PCDHB4: variants seen among roughly 807,000 people sequenced by gnomAD.
The protein encoded by PCDHB4 is protocadherin beta-4.
For missense variants in PCDHB4, 1,063 were observed against 1,007.0 expected (o/e 1.06, Z -0.75); for synonymous variants, 482 against 447.3 (o/e 1.08, Z -0.98).
chr5:141,124,478 T>G lies in PCDHB4; in HGVS notation c.*92T>G. 9.1e-7 allele frequency: 1 copy of G among 1,100,992 alleles called. No homozygotes were observed. The highest frequency in any genetic ancestry group is 1.3e-6 in the Non-Finnish European group (1 of 779,994). 68.2% of individuals were successfully genotyped at this position (1,100,992 alleles called of 1,614,324 possible). ...TAAAAAAATTGTCTACTTATCTAAATATTCATACCACAATTTCAAACCTAC... is the reference window on the plus strand; with the variant it reads ...TAAAAAAATTGTCTACTTATCTAAAGATTCATACCACAATTTCAAACCTAC... On this transcript the variant is annotated 3_prime_UTR_variant, in exon 1 of 1. Transcript: ENST00000194152.
chr5:141,122,970 A>T lies in PCDHB4; in HGVS notation c.972A>T (p.Gly324=). 1 of 1,613,108 alleles carries T rather than the reference A, an allele frequency of 6.2e-7. No individual in the cohort carries two copies. Among genetic ancestry groups the T allele is most frequent in the Non-Finnish European group, 8.5e-7 (1 of 1,179,616 alleles). ...TAGAAATTGAGGCCACAGATGGAGG[A>T]GGCCTTTCTGGAAAAGGCACTGTAG... ...YHVEIEATDG[G]GLSGKGTVVI... is the part of the protein sequence containing the mutation. Residue 324 remains glycine (G), a synonymous_variant, in exon 1 of 1, where the codon GGA becomes GGT. Transcript: ENST00000194152.
Position 141,122,137 on chromosome 5 carries a change from C to G in PCDHB4, c.139C>G (p.Leu47Val). The change falls in exon 1 of 1, where the codon CTG becomes GTG. Residue 47 changes from leucine to valine, a missense_variant. Physicochemically the swap from Leu to Val is conservative, Grantham distance 32. Coordinates refer to ENST00000194152, the MANE Select transcript of PCDHB4 (RefSeq NM_018938.4). ...AGAGAGCGGCTCCTTTGTAGCCCAT[C>G]TGGCCAAGGATCTGGGCCTGGGAAT... ...ETESGSFVAHLAKDLGLGIGE... is the reference protein window; with the variant it reads ...ETESGSFVAHVAKDLGLGIGE... 4.3e-6 allele frequency: 7 copies of G among 1,614,194 alleles called. No individual in the cohort carries two copies. Among genetic ancestry groups the G allele is most frequent in the African/African-American group, 1.3e-5 (1 of 75,054 alleles).
Position 141,123,687 on chromosome 5 carries a change from G to A in PCDHB4, c.1689G>A (p.Pro563=), listed in dbSNP as rs1752350418. The change falls in exon 1 of 1, where the codon CCG becomes CCA. Residue 563 remains proline, a synonymous_variant. Transcript: ENST00000194152. ...TNDNSPFVLY[P]LQNGSAPCTE... ...ACAACTCGCCCTTCGTGCTGTACCC[G>A]CTGCAGAATGGCTCCGCGCCCTGCA... 3.7e-6 allele frequency: 6 copies of A among 1,611,098 alleles called. No homozygotes were observed. Among genetic ancestry groups the A allele is most frequent in the Non-Finnish European group, 5.1e-6 (6 of 1,179,578 alleles).
chr5:141,123,286 C>A lies in PCDHB4; in HGVS notation c.1288C>A (p.Leu430Met), dbSNP rs1752333089. The A allele has an allele frequency of 6.2e-7, 1 of 1,614,088 alleles. No homozygotes were observed. The highest frequency in any genetic ancestry group is 8.5e-7 in the Non-Finnish European group (1 of 1,180,056). ...CGTCACTGACTTGGGGACACCCAGG[C>A]TGAAAACCCAGCAGAACATAACCGT... ...IAVTDLGTPR[L>M]KTQQNITVQV... The change falls in exon 1 of 1, where the codon CTG (leucine) becomes ATG (methionine). Residue 430 changes from leucine (L) to methionine (M), a missense_variant. Transcript: ENST00000194152.
In PCDHB4 at chr5:141,123,137, T is replaced by A. The variant is rs1554274484; in HGVS notation, c.1139T>A (p.Met380Lys). 1.2e-6 allele frequency: 2 copies of A among 1,613,908 alleles called. No homozygotes were observed. The highest frequency in any genetic ancestry group is 1.7e-6 in the Non-Finnish European group (2 of 1,180,010). The change falls in exon 1 of 1, where the codon ATG (methionine) becomes AAG (lysine). Residue 380 changes from methionine to lysine, a missense_variant. Coordinates refer to ENST00000194152, the MANE Select transcript of PCDHB4 (RefSeq NM_018938.4). Reference protein sequence around the residue: ...RDRDSGENGKMICSIPDNLPF... With the variant: ...RDRDSGENGKKICSIPDNLPF... ...AGAGATTCCGGAGAAAATGGAAAGA[T>A]GATTTGCTCTATTCCAGATAATCTA... is the stretch of plus-strand genomic sequence containing the variant.
chr5:141,123,568 C>A lies in PCDHB4; in HGVS notation c.1570C>A (p.Gln524Lys). The part of the protein sequence containing the change: ...ALRSLDYEAL[Q>K]AFEFRVGASD... ...CAGGTCGCTGGACTACGAGGCCCTG[C>A]AGGCGTTCGAGTTCCGCGTGGGCGC... is the stretch of plus-strand genomic sequence containing the variant. Residue 524 changes from glutamine to lysine, a missense_variant, in exon 1 of 1, where the codon CAG (glutamine) becomes AAG (lysine). Coordinates refer to ENST00000194152, the MANE Select transcript of PCDHB4 (RefSeq NM_018938.4). 1.9e-6 allele frequency: 3 copies of A among 1,612,874 alleles called. No individual in the cohort carries two copies. The highest frequency in any genetic ancestry group is 1.1e-5 in the South Asian group (1 of 91,024).
In PCDHB4 at chr5:141,124,083, G is replaced by T; in HGVS notation, c.2085G>T (p.Ser695=). Reference sequence around the variant, plus strand: ...TCTACCTGGTGGTGGCGTTGGCCTCGGTGTCGTCGCTCTTCCTCTTCTCGG... The same window carrying T: ...TCTACCTGGTGGTGGCGTTGGCCTCTGTGTCGTCGCTCTTCCTCTTCTCGG... ...LTVYLVVALA[S]VSSLFLFSVL... is the part of the protein sequence containing the mutation. Residue 695 remains serine (S), a synonymous_variant, in exon 1 of 1, where the codon TCG becomes TCT. Transcript: ENST00000194152. The T allele has an allele frequency of 1.2e-6, 2 of 1,608,268 alleles. No homozygotes were observed. The highest frequency in any genetic ancestry group is 2.2e-5 in the South Asian group (2 of 90,992).
At position 141,124,893 on chromosome 5, in the gene PCDHB4, G is replaced by C. The variant is rs1395309327; in HGVS notation, c.*507G>C. ...TTAATAGCCATGAGTGTAAAATTTA[G>C]TTTACTCATTTTTCACAAATTGTAT... On this transcript the variant is annotated 3_prime_UTR_variant, in exon 1 of 1. Transcript: ENST00000194152. The C allele has an allele frequency of 6.6e-6, 1 of 152,100 alleles. No individual in the cohort carries two copies. Among genetic ancestry groups the C allele is most frequent in the Admixed American group, 6.5e-5 (1 of 15,284 alleles). The allele number at this position is 152,100 out of a possible 1,614,324, so 9.4% of individuals were successfully genotyped here.
chr5:141,122,460 A>T lies in PCDHB4; in HGVS notation c.462A>T (p.Leu154=), dbSNP rs1320869683. The change falls in exon 1 of 1, where the codon CTA becomes CTT. Residue 154 remains leucine, a synonymous_variant. Transcript: ENST00000194152. ...NSQPGTLFPL[L]IAEDLDVGSN... ...AGCCGGGTACTCTATTTCCGTTGCTAATAGCTGAGGATTTGGATGTGGGCA... is the reference window on the plus strand; with the variant it reads ...AGCCGGGTACTCTATTTCCGTTGCTTATAGCTGAGGATTTGGATGTGGGCA... 5.0e-6 allele frequency: 8 copies of T among 1,614,110 alleles called. No homozygotes were observed. Among genetic ancestry groups the T allele is most frequent in the Admixed American group, 1.7e-5 (1 of 60,010 alleles).
Position 141,123,577 on chromosome 5 carries a change from G to T in PCDHB4, c.1579G>T (p.Glu527Ter). ...GGACTACGAGGCCCTGCAGGCGTTC[G>T]AGTTCCGCGTGGGCGCCTCAGACCG... is the stretch of plus-strand genomic sequence containing the variant. Reference protein sequence around the residue: ...SLDYEALQAFEFRVGASDRGS... With the variant: ...SLDYEALQAF Residue 527 changes from glutamate (E) to a stop codon, truncating the protein, a stop_gained, in exon 1 of 1, where the codon GAG becomes TAG. Coordinates refer to ENST00000194152, the MANE Select transcript of PCDHB4 (RefSeq NM_018938.4). LOFTEE classifies it low-confidence loss of function (END_TRUNC). The T allele has an allele frequency of 6.2e-7, 1 of 1,612,630 alleles. No individual in the cohort carries two copies. Among genetic ancestry groups the T allele is most frequent in the Non-Finnish European group, 8.5e-7 (1 of 1,179,834 alleles).
rs1206378904 is a variant in PCDHB4 at position 141,123,811 on chromosome 5, C to T, written c.1813C>T (p.Leu605=). ...CCAGAACGCCTGGCTGTCGTACCAG[C>T]TGCTCAAGGCCACGGAGCCTGGGCT... The part of the protein sequence containing the change: ...SGQNAWLSYQ[L]LKATEPGLFG... Residue 605 remains leucine, a synonymous_variant, in exon 1 of 1, where the codon CTG becomes TTG. Coordinates refer to ENST00000194152, the MANE Select transcript of PCDHB4 (RefSeq NM_018938.4). 6.2e-7 allele frequency: 1 copy of T among 1,609,812 alleles called. No homozygotes were observed. The highest frequency in any genetic ancestry group is 1.7e-5 in the Admixed American group (1 of 60,006).
rs1752287729 is a variant in PCDHB4, at chr5:141,121,859, C to T, written c.-140C>T. 3.2e-6 allele frequency: 2 copies of T among 615,870 alleles called. No homozygotes were observed. The highest frequency in any genetic ancestry group is 3.3e-5 in the Admixed American group (1 of 30,422). The allele number at this position is 615,870 out of a possible 1,614,324, so 38.2% of individuals were successfully genotyped here. A position where few individuals can be genotyped will look rare whatever the true frequency, so the allele number is the denominator to read the frequency against. On this transcript the variant is annotated 5_prime_UTR_variant, in exon 1 of 1. Coordinates refer to ENST00000194152, the MANE Select transcript of PCDHB4 (RefSeq NM_018938.4). ...ACAAGCAGTGCAGGTTTACCAACGG[C>T]TTGGGGCAGCGATATACTAAACAAA... is the stretch of plus-strand genomic sequence containing the variant.
At position 141,125,384 on chromosome 5, in the gene PCDHB4, G is replaced by C. The variant is rs368263767; in HGVS notation, c.*998G>C. The C allele has an allele frequency of 6.6e-6, 1 of 152,096 alleles. No homozygotes were observed. Among genetic ancestry groups the C allele is most frequent in the Non-Finnish European group, 1.5e-5 (1 of 67,986 alleles). 9.4% of individuals were successfully genotyped at this position (152,096 alleles called of 1,614,324 possible). A position where few individuals can be genotyped will look rare whatever the true frequency, so the allele number is the denominator to read the frequency against. On this transcript the variant is annotated 3_prime_UTR_variant, in exon 1 of 1. Coordinates refer to ENST00000194152, the MANE Select transcript of PCDHB4 (RefSeq NM_018938.4). ...ATTTCTTCTGCACCTTGGCTATTCT[G>C]TTTAAATCTGATAATCAGTTGATCT... is the stretch of plus-strand genomic sequence containing the variant.
chr5:141,123,210 A>AGAGAGACCACTGGACC lies in PCDHB4; in HGVS notation c.1222_1237dup (p.Ser413ThrfsTer8). ...TGAAGAATTTTTACACCCTGGTAAC[A>AGAGAGACCACTGGACC]GAGAGACCACTGGACCGAGAGACCA... On this transcript the variant is annotated frameshift_variant, in exon 1 of 1. Coordinates refer to ENST00000194152, the MANE Select transcript of PCDHB4 (RefSeq NM_018938.4). LOFTEE classifies it low-confidence loss of function (END_TRUNC). The AGAGAGACCACTGGACC allele has an allele frequency of 6.2e-7, 1 of 1,614,172 alleles. No homozygotes were observed. The highest frequency in any genetic ancestry group is 8.5e-7 in the Non-Finnish European group (1 of 1,180,000).
At position 141,121,903 on chromosome 5, in the gene PCDHB4, T is replaced by A. The variant is rs928042473; in HGVS notation, c.-96T>A. On this transcript the variant is annotated 5_prime_UTR_variant, in exon 1 of 1. Transcript: ENST00000194152. ...AAACAAATTTAATATTAAAAGCAAC[T>A]GTGTGACGATTCCTCCAAGCAAGAA... 1 of 838,598 alleles carries A rather than the reference T, an allele frequency of 1.2e-6. No homozygotes were observed. Among genetic ancestry groups the A allele is most frequent in the South Asian group, 1.9e-5 (1 of 54,032 alleles). 51.9% of individuals were successfully genotyped at this position (838,598 alleles called of 1,614,324 possible).
At position 141,122,761 on chromosome 5, in the gene PCDHB4, C is replaced by T. The variant is rs3733698; in HGVS notation, c.763C>T (p.Pro255Ser). 278,466 of 1,613,220 alleles carry T rather than the reference C, an allele frequency of 0.17. 25,125 individuals are homozygous for T. The highest frequency in any genetic ancestry group is 0.23 in the Middle Eastern group (1,369 of 6,060). The change falls in exon 1 of 1, where the codon CCC becomes TCC. Residue 255 changes from proline to serine, a missense_variant. By Grantham distance (74) the Pro-to-Ser change is moderately conservative (BLOSUM62 -1). Transcript: ENST00000194152. ...TGGGGTGCAGGTCCTGGAAAACAGCCCCCTAGACTCTCCAATTGTTAGGGT... is the reference window on the plus strand; with the variant it reads ...TGGGGTGCAGGTCCTGGAAAACAGCTCCCTAGACTCTCCAATTGTTAGGGT... ...PYGVQVLENS[P>S]LDSPIVRVLA...
chr5:141,122,093 A>G lies in PCDHB4; in HGVS notation c.95A>G (p.Tyr32Cys), dbSNP rs782318038. The change falls in exon 1 of 1, where the codon TAT becomes TGT. Residue 32 changes from tyrosine to cysteine, a missense_variant. Transcript: ENST00000194152. ...LSQVRLEPIRYSVLEETESGS... is the reference protein window; with the variant it reads ...LSQVRLEPIRCSVLEETESGS... The stretch of plus-strand genomic sequence containing the variant: ...CAGGTTCGCCTCGAGCCTATTCGTT[A>G]TTCTGTGTTGGAGGAAACAGAGAGC... 4 of 1,614,056 alleles carry G rather than the reference A, an allele frequency of 2.5e-6. No individual in the cohort carries two copies. Among genetic ancestry groups the G allele is most frequent in the Non-Finnish European group, 3.4e-6 (4 of 1,180,036 alleles).
Position 141,124,411 on chromosome 5 carries a change from G to C in PCDHB4, c.*25G>C. The C allele has an allele frequency of 1.3e-6, 2 of 1,523,084 alleles. No homozygotes were observed. Among genetic ancestry groups the C allele is most frequent in the Non-Finnish European group, 1.8e-6 (2 of 1,132,210 alleles). 94.3% of individuals were successfully genotyped at this position (1,523,084 alleles called of 1,614,324 possible). On this transcript the variant is annotated 3_prime_UTR_variant, in exon 1 of 1. Coordinates refer to ENST00000194152, the MANE Select transcript of PCDHB4 (RefSeq NM_018938.4). ...AGTATTGTATTTAGTTCAGTGAACCGCCCGTTAGTTTTGTCAAACTTCCCA... is the reference window on the plus strand; with the variant it reads ...AGTATTGTATTTAGTTCAGTGAACCCCCCGTTAGTTTTGTCAAACTTCCCA...
At position 141,122,079 on chromosome 5, in the gene PCDHB4, C is replaced by T. The variant is rs1554274264; in HGVS notation, c.81C>T (p.Leu27=). The T allele has an allele frequency of 3.7e-6, 6 of 1,613,940 alleles. No homozygotes were observed. In the African/African-American group the frequency reaches 8.0e-5, roughly 22 times the overall value. The part of the protein sequence containing the change: ...ILMVFLSQVR[L]EPIRYSVLEE... ...TGGTGTTCTTGTCTCAGGTTCGCCTCGAGCCTATTCGTTATTCTGTGTTGG... is the reference window on the plus strand; with the variant it reads ...TGGTGTTCTTGTCTCAGGTTCGCCTTGAGCCTATTCGTTATTCTGTGTTGG... Residue 27 remains leucine, a synonymous_variant, in exon 1 of 1, where the codon CTC becomes CTT. Transcript: ENST00000194152.
Sources: gnomAD v4.1 joint callset for allele counts on GRCh38, gnomAD v4.1.1 for gene constraint, MANE v1.5 for transcripts, NCBI Gene and HGNC (gene_info 2026-07-23, HGNC 2026-07-21) for gene names.